SCHIP1: variants seen among roughly 807,000 people sequenced by gnomAD.
SCHIP1 encodes schwannomin interacting protein 1.
In SCHIP1, 8 loss-of-function variants were observed where a neutral mutation model predicts 29.7. The observed-to-expected ratio is 0.27, with a 90% CI of 0.16 to 0.49. SCHIP1 has a LOEUF of 0.49. Ranked by LOEUF, SCHIP1 falls within the 20% of genes least tolerant of loss-of-function variation. The probability of loss-of-function intolerance (pLI) is 0.99; values close to 1 mark genes in which losing one functional copy is unlikely to be tolerated. For missense variants in SCHIP1, 193 were observed against 294.6 expected (o/e 0.66, Z 2.52); for synonymous variants, 76 against 94.9 (o/e 0.80, Z 1.16).
At chr3:159,882,613 C>G (rs942282072) in intron 2 of SCHIP1, among the ~76,000 whole-genome samples, 1 of 152,174 alleles carries the variant, frequency 6.6e-6, no homozygotes, top group Non-Finnish European at 1.5e-5. Flanking sequence ...TTGTTTCTCT[C>G]AGGGAATAAA....
the SCHIP1 span, among the ~76,000 whole-genome samples, chr3:159,383,815 G>A: frequency 6.6e-6 from 1 of 151,166 alleles, no homozygotes; most frequent in South Asian, 2.1e-4. Context: ...CCTTGAAGAG[G>A]TCCTTCACAT....
the SCHIP1 span, among the ~76,000 whole-genome samples, chr3:159,722,968 G>T: frequency 3.9e-5 from 6 of 152,272 alleles, no homozygotes; most frequent in Non-Finnish European, 7.4e-5. Flanking sequence ...CCTCTCTGTG[G>T]CATCTCTTCC....
chr3:159,412,738 AC>A, the SCHIP1 span, among the ~76,000 whole-genome samples: 1 of 152,208 alleles, frequency 6.6e-6, no homozygotes, highest in Admixed American at 6.5e-5. Context: ...GTACCTCTTT[AC>A]AAAGCCAGTT....
the SCHIP1 span, among the ~76,000 whole-genome samples, chr3:159,424,297 A>C: frequency 5.9e-5 from 9 of 152,020 alleles, no homozygotes; most frequent in Non-Finnish European, 1.3e-4. Context: ...TTTGAAAAAA[A>C]TTTAGAAGAA....
At chr3:159,691,527 C>G in the SCHIP1 span, among the ~76,000 whole-genome samples, 2 of 151,052 alleles carry the variant, frequency 1.3e-5, no homozygotes, top group African/African-American at 4.9e-5. Context: ...GAATACAGCA[C>G]ACCAATCGGT....
At chr3:159,580,364 C>T in the SCHIP1 span, among the ~76,000 whole-genome samples, 1 of 152,188 alleles carries the variant, frequency 6.6e-6, no homozygotes, top group South Asian at 2.1e-4. Context: ...CACAGGGCCT[C>T]ACACTTTGGT....
intron 1 of SCHIP1, among the ~76,000 whole-genome samples, chr3:159,846,220 C>T (rs1291390996): frequency 1.3e-5 from 2 of 152,200 alleles, no homozygotes; most frequent in Non-Finnish European, 2.9e-5. Flanking sequence ...AATTTTACCA[C>T]CGCATGGAAT....
At chr3:159,467,515 G>T in the SCHIP1 span, among the ~76,000 whole-genome samples, 2 of 150,994 alleles carry the variant, frequency 1.3e-5, no homozygotes, top group Non-Finnish European at 3.0e-5. Flanking sequence ...AAAATAAAAA[G>T]AACTGGCCAG....
chr3:159,784,688 G>A, the SCHIP1 span, among the ~76,000 whole-genome samples: 1 of 152,176 alleles, frequency 6.6e-6, no homozygotes, highest in Non-Finnish European at 1.5e-5. Context: ...ACGGAGTCTT[G>A]TGACGCCCAG....
At chr3:159,365,741 G>A in the SCHIP1 span, among the ~76,000 whole-genome samples, 1 of 152,110 alleles carries the variant, frequency 6.6e-6, no homozygotes, top group Non-Finnish European at 1.5e-5. Context: ...CATAGAGAAT[G>A]CATGCCCCTC....
chr3:159,519,893 A>T, the SCHIP1 span, among the ~76,000 whole-genome samples: 7 of 151,218 alleles, frequency 4.6e-5, no homozygotes, highest in Admixed American at 4.6e-4. Flanking sequence ...ATATGTATGT[A>T]TGCATGTACG....
At chr3:159,699,698 C>T in the SCHIP1 span, among the ~76,000 whole-genome samples, 1 of 152,180 alleles carries the variant, frequency 6.6e-6, no homozygotes, top group Non-Finnish European at 1.5e-5. Context: ...GCAGAATTCT[C>T]TCCAAGTCTT....
At chr3:159,660,971 C>T in the SCHIP1 span, among the ~76,000 whole-genome samples, 4 of 152,090 alleles carry the variant, frequency 2.6e-5, no homozygotes, top group South Asian at 2.1e-4. Flanking sequence ...TGAGTGTATA[C>T]GAATGCCAGG....
At position 159,843,001 on chromosome 3, in the gene SCHIP1, CTTTTTTTT is replaced by C. The variant is rs566940351; in HGVS notation, c.30+2808_30+2815del. Among the ~76,000 whole-genome samples, 179 of 63,726 alleles carry C rather than the reference CTTTTTTTT, an allele frequency of 2.8e-3. 1 individual carries two copies. Among genetic ancestry groups the C allele is most frequent in the African/African-American group, 2.9e-3 (62 of 21,204 alleles). The allele number at this position is 63,726 out of a possible 152,430, so 41.8% of individuals were successfully genotyped here. A position where few individuals can be genotyped will look rare whatever the true frequency, so the allele number is the denominator to read the frequency against. On this transcript the variant is annotated intron_variant, in intron 1 of 6. Transcript: ENST00000445224. The stretch of plus-strand genomic sequence containing the variant: ...TCCAGTTCTATCCCAATATTTCTTT[CTTTTTTTT>C]TTTTTTTTTTTTTTTTTTTTGAGAT...
At chr3:159,859,976 GGT>G (rs35639147) in intron 1 of SCHIP1, among the ~76,000 whole-genome samples, 8,525 of 149,976 alleles carry the variant, frequency 0.057, 341 homozygotes, top group Non-Finnish European at 0.066. Flanking sequence ...TGTGTGACAG[GGT>G]GTGTGTGTGT....
At chr3:159,767,351 T>G in the SCHIP1 span, among the ~76,000 whole-genome samples, 1 of 152,240 alleles carries the variant, frequency 6.6e-6, no homozygotes, top group Admixed American at 6.5e-5. Flanking sequence ...CAACATAAAG[T>G]TTACTTCTCA....
At chr3:159,688,867 T>C in the SCHIP1 span, among the ~76,000 whole-genome samples, 2 of 152,218 alleles carry the variant, frequency 1.3e-5, no homozygotes, top group Non-Finnish European at 2.9e-5. Flanking sequence ...CCTTTCTTCA[T>C]TGCTTGTATT....
At chr3:159,292,198 G>T in the SCHIP1 span, among the ~76,000 whole-genome samples, 3 of 151,972 alleles carry the variant, frequency 2.0e-5, no homozygotes, top group African/African-American at 7.2e-5. Flanking sequence ...AGAAGAGAAA[G>T]AAAAAGAGAC....
intron 5 of SCHIP1, 83 bp downstream of exon 6, chr3:159,889,026 A>G (rs1717229964): frequency 6.7e-6 from 10 of 1,497,170 alleles, no homozygotes; most frequent in African/African-American, 1.4e-5. Context: ...CAACTTTTTC[A>G]TACAACATTT....
Sources: allele counts gnomAD v4.1 joint callset (sites outside exome capture counted in the v4.1 genomes callset), GRCh38; gene constraint gnomAD v4.1.1; transcripts MANE v1.5; gene names NCBI Gene and HGNC (gene_info 2026-07-23, HGNC 2026-07-21).